IL1RAPL1: variants seen among roughly 807,000 people sequenced by gnomAD.
IL1RAPL1 encodes interleukin-1 receptor accessory protein-like 1.
Under a neutral mutation model 48.4 loss-of-function variants are expected in IL1RAPL1, and 3 were observed. That is an observed-to-expected ratio of 0.06 (90% CI 0.03 to 0.16). IL1RAPL1 has a LOEUF of 0.16. Ranked by LOEUF, IL1RAPL1 falls within the 10% of genes least tolerant of loss-of-function variation. IL1RAPL1 has a pLI of 1.00. For missense variants in IL1RAPL1, 349 were observed against 530.6 expected, an observed-to-expected ratio of 0.66 and a Z score of 3.36; for synonymous variants, 185 against 187.7, an observed-to-expected ratio of 0.99 and a Z score of 0.12.
chrX:28,620,077 T>TA lies in IL1RAPL1; in HGVS notation c.-25+32041dup, dbSNP rs371932726. ...AAAGGCTCTGAGAAGTCCTGCAGTT[T>TA]AAAAAAAAAAACACTAAAGTGTTTT... On this transcript the variant is annotated intron_variant, in intron 1 of 10. Transcript: ENST00000378993. Among the ~76,000 whole-genome samples, 90 of 104,348 alleles carry TA rather than the reference T, an allele frequency of 8.6e-4. No individual in the cohort carries two copies. The Middle Eastern group carries it at 0.015, about 17-fold the overall frequency. The allele number at this position is 104,348 out of a possible 115,157, so 90.6% of individuals were successfully genotyped here. A position where few individuals can be genotyped will look rare whatever the true frequency, so the allele number is the denominator to read the frequency against.
rs1569209708 is a variant in IL1RAPL1, at chrX:28,965,958, AC to A, written c.82+176534del. ...CCATATTAGGCATGTACTAAAAAAT[AC>A]TCACGAAGCCCTTTTAATTCTTTGA... is the stretch of plus-strand genomic sequence containing the variant. On this transcript the variant is annotated intron_variant, in intron 2 of 10. Transcript: ENST00000378993. 7.7e-3 allele frequency among the ~76,000 whole-genome samples: 429 copies of A among 55,876 alleles called. 5 individuals carry two copies. Among genetic ancestry groups the A allele is most frequent in the Non-Finnish European group, 0.011 (279 of 25,828 alleles). The allele number at this position is 55,876 out of a possible 115,157, so 48.5% of individuals were successfully genotyped here. A position where few individuals can be genotyped will look rare whatever the true frequency, so the allele number is the denominator to read the frequency against.
chrX:29,425,098 C>A (rs778712774), intron 5 of IL1RAPL1, among the ~76,000 whole-genome samples: 1 of 111,635 alleles, frequency 9.0e-6, no homozygotes, highest in East Asian at 2.8e-4. Context: ...ATTTTAGCCT[C>A]TTTTCATGAC....
At chrX:29,691,624 A>G (rs1270366633) in intron 6 of IL1RAPL1, among the ~76,000 whole-genome samples, 1 of 111,336 alleles carries the variant, frequency 9.0e-6, no homozygotes, top group Non-Finnish European at 1.9e-5. Flanking sequence ...GGTTTCTCAG[A>G]GGAAGTGCTG....
chrX:29,802,747 T>TTATATATATATATATATA (rs1210417673), intron 6 of IL1RAPL1, among the ~76,000 whole-genome samples: 3 of 36,256 alleles, frequency 8.3e-5, no homozygotes, highest in Non-Finnish European at 1.6e-4. Context: ...GAGGAAAAAA[T>TTATATATATATATATATA]TATATATATA....
chrX:28,985,677 T>C (rs1013491910), intron 2 of IL1RAPL1, among the ~76,000 whole-genome samples: 1 of 103,757 alleles, frequency 9.6e-6, no homozygotes, highest in Non-Finnish European at 2.0e-5. Context: ...TTTTTTTTTT[T>C]GAGACGGAGT....
rs376544908 is a variant in IL1RAPL1 at position 28,723,500 on chromosome X, C to G, written c.-24-65820C>G. 2.6e-4 allele frequency among the ~76,000 whole-genome samples: 29 copies of G among 111,273 alleles called. No individual in the cohort carries two copies. In the South Asian group the frequency reaches 0.01, roughly 39 times the overall value. On this transcript the variant is annotated intron_variant, in intron 1 of 10. Transcript: ENST00000378993. ...CTTCTCTCTTTTCTTCTTTGTTAGTCTTGCTAGCAGTCTATCAATTTTGTT... is the reference window on the plus strand; with the variant it reads ...CTTCTCTCTTTTCTTCTTTGTTAGTGTTGCTAGCAGTCTATCAATTTTGTT...
At position 29,367,865 on chromosome X, in the gene IL1RAPL1, C is replaced by T. The variant is rs1348605878; in HGVS notation, c.363-28393C>T. Among the ~76,000 whole-genome samples, 15 of 109,931 alleles carry T rather than the reference C, an allele frequency of 1.4e-4. No individual in the cohort carries two copies. The Admixed American group carries it at 1.4e-3, about 10-fold the overall frequency. ...AAGTGCTGGGATTACAGGCGTGAACCACCATGCCCAGCACCACTTATTAAT... is the reference window on the plus strand; with the variant it reads ...AAGTGCTGGGATTACAGGCGTGAACTACCATGCCCAGCACCACTTATTAAT... On this transcript the variant is annotated intron_variant, in intron 3 of 10. Transcript: ENST00000378993.
chrX:28,795,792 A>G (rs1936604571), intron 2 of IL1RAPL1, among the ~76,000 whole-genome samples: 1 of 110,806 alleles, frequency 9.0e-6, no homozygotes, highest in Non-Finnish European at 1.9e-5. Context: ...ATATTGTTCT[A>G]TGTATTTGAT....
At chrX:29,195,214 T>A (rs1350934283) in intron 2 of IL1RAPL1, among the ~76,000 whole-genome samples, 2 of 111,911 alleles carry the variant, frequency 1.8e-5, no homozygotes, top group Non-Finnish European at 3.8e-5. Flanking sequence ...TGAGAAGAGA[T>A]ATAGTGAAGA....
chrX:29,094,456 T>C (rs1166700343), intron 2 of IL1RAPL1, among the ~76,000 whole-genome samples: 4 of 109,643 alleles, frequency 3.6e-5, no homozygotes, highest in Non-Finnish European at 5.7e-5. Context: ...TTTTTTGTTT[T>C]ACTTAAAGAA....
At chrX:29,918,144 A>AAAAAAAAAAATATATATAT (rs1555935868) in intron 7 of IL1RAPL1, among the ~76,000 whole-genome samples, 6 of 23,755 alleles carry the variant, frequency 2.5e-4, no homozygotes, top group Non-Finnish European at 3.3e-4. Flanking sequence ...AAAAAAAAAA[A>AAAAAAAAAAATATATATAT]ATATATATAT....
chrX:28,764,602 A>G (rs907654740), intron 1 of IL1RAPL1, among the ~76,000 whole-genome samples: 13 of 109,398 alleles, frequency 1.2e-4, no homozygotes, highest in Non-Finnish European at 1.9e-4. Context: ...CTATGTGTAC[A>G]TATTTGCATG....
chrX:29,719,223 C>A (rs141930569), intron 6 of IL1RAPL1, among the ~76,000 whole-genome samples: 4 of 111,768 alleles, frequency 3.6e-5, no homozygotes, highest in African/African-American at 1.3e-4. Context: ...ACCTGGAATG[C>A]GACTACTGTC....
chrX:29,854,298 T>C (rs1425656777), intron 6 of IL1RAPL1, among the ~76,000 whole-genome samples: 1 of 111,857 alleles, frequency 8.9e-6, no homozygotes, highest in Non-Finnish European at 1.9e-5. Flanking sequence ...TAATATATAC[T>C]GGTACCTAAA....
At chrX:28,969,448 G>A (rs2147367674) in intron 2 of IL1RAPL1, among the ~76,000 whole-genome samples, 1 of 109,660 alleles carries the variant, frequency 9.1e-6, no homozygotes, top group African/African-American at 3.3e-5. Flanking sequence ...TTAGAAGCCA[G>A]CTTCCCATTA....
chrX:29,612,893 C>T (rs142192257), intron 5 of IL1RAPL1, among the ~76,000 whole-genome samples: 8,129 of 111,986 alleles, frequency 0.073, 274 homozygotes, highest in Middle Eastern at 0.18. Context: ...ACTGAACCCT[C>T]TGTATGTGCC....
At chrX:29,187,326 A>G (rs1930270583) in intron 2 of IL1RAPL1, among the ~76,000 whole-genome samples, 1 of 111,362 alleles carries the variant, frequency 9.0e-6, no homozygotes. Context: ...ACTCTACTTG[A>G]AAGCTAACAA....
chrX:29,176,148 C>A, intron 2 of IL1RAPL1, among the ~76,000 whole-genome samples: 1 of 97,388 alleles, frequency 1.0e-5, no homozygotes, highest in Non-Finnish European at 2.0e-5. Context: ...GGCTGAAGTG[C>A]AGTGGTGCGA....
chrX:29,803,399 ATATATGTG>A lies in IL1RAPL1; in HGVS notation c.779-114043_779-114036del, dbSNP rs759171079. 2.3e-3 allele frequency among the ~76,000 whole-genome samples: 196 copies of A among 84,913 alleles called. 7 individuals are homozygous for A. The highest frequency in any genetic ancestry group is 6.1e-3 in the South Asian group (12 of 1,975). The allele number at this position is 84,913 out of a possible 115,157, so 73.7% of individuals were successfully genotyped here. ...TATGTATACATGTATACACATATGT[ATATATGTG>A]TATATGTGTATATGTGTATATATGT... is the stretch of plus-strand genomic sequence containing the variant. On this transcript the variant is annotated intron_variant, in intron 6 of 10. Coordinates refer to ENST00000378993, the MANE Select transcript of IL1RAPL1 (RefSeq NM_014271.4).
Sources: allele counts gnomAD v4.1 joint callset (sites outside exome capture counted in the v4.1 genomes callset), GRCh38; gene constraint gnomAD v4.1.1; transcripts MANE v1.5; gene names NCBI Gene and HGNC (gene_info 2026-07-23, HGNC 2026-07-21).